The following UBE2E1 variants were observed in gnomAD, a reference collection of about 807,000 sequenced individuals.
The protein encoded by UBE2E1 is ubiquitin-conjugating enzyme E2 E1.
In UBE2E1, 6 loss-of-function variants were observed where a neutral mutation model predicts 21.4. That is an observed-to-expected ratio of 0.28 (90% CI 0.15 to 0.55). UBE2E1 has a LOEUF of 0.55. Ranked by LOEUF, UBE2E1 falls within the 20% of genes least tolerant of loss-of-function variation. UBE2E1 has a pLI of 0.93. For synonymous variants in UBE2E1, 87 were observed against 82.7 expected (o/e 1.05, Z -0.28); for missense variants, 142 against 236.5 (o/e 0.60, Z 2.62).
At chr3:23,875,227 C>CT (rs1471001908) in intron 3 of UBE2E1, among the ~76,000 whole-genome samples, 1 of 152,172 alleles carries the variant, frequency 6.6e-6, no homozygotes, top group Non-Finnish European at 1.5e-5. Context: ...CAAGATTGAG[C>CT]TTTTGTGATG....
In UBE2E1 at chr3:23,811,787, A is replaced by C. The variant is rs553913653; in HGVS notation, c.203+277A>C. Among the ~76,000 whole-genome samples the C allele has an allele frequency of 3.3e-5, 5 of 152,342 alleles. No individual in the cohort carries two copies. In the East Asian group the frequency reaches 9.6e-4, roughly 29 times the overall value. On this transcript the variant is annotated intron_variant, in intron 3 of 5. Coordinates refer to ENST00000306627, the MANE Select transcript of UBE2E1 (RefSeq NM_003341.5). ...AAATTTAAAGGTGTCTCCTTGCCTA[A>C]TCATGGGTCTTTGATATGCCATTAA...
At chr3:23,864,893 A>G (rs899099297) in intron 3 of UBE2E1, among the ~76,000 whole-genome samples, 2 of 152,246 alleles carry the variant, frequency 1.3e-5, no homozygotes, top group Non-Finnish European at 2.9e-5. Flanking sequence ...ACTGTCCTGC[A>G]TGCATAAGCT....
At chr3:23,835,753 T>A (rs1212016487) in intron 3 of UBE2E1, among the ~76,000 whole-genome samples, 1 of 152,244 alleles carries the variant, frequency 6.6e-6, no homozygotes, top group East Asian at 1.9e-4. Context: ...CATTAGAAGT[T>A]AAATCTCACG....
In UBE2E1 at chr3:23,868,598, T is replaced by A. The variant is rs142599161; in HGVS notation, c.204-18969T>A. Among the ~76,000 whole-genome samples the A allele has an allele frequency of 1.4e-3, 217 of 152,326 alleles. No individual in the cohort carries two copies. The Middle Eastern group carries it at 0.02, about 14-fold the overall frequency. Reference sequence around the variant, plus strand: ...CTGGGATTATAGCCATGAGTCACCATGCCTGGCCACTTTTACTTTCTCTTA... The same window carrying A: ...CTGGGATTATAGCCATGAGTCACCAAGCCTGGCCACTTTTACTTTCTCTTA... On this transcript the variant is annotated intron_variant, in intron 3 of 5. Transcript: ENST00000306627.
chr3:23,882,070 G>T (rs1701056844), intron 3 of UBE2E1, among the ~76,000 whole-genome samples: 1 of 152,224 alleles, frequency 6.6e-6, no homozygotes, highest in South Asian at 2.1e-4. Flanking sequence ...AGAGTGAGCA[G>T]CAGCAAGATT....
At chr3:23,890,120 G>A (rs750358236) in intron 5 of UBE2E1, among the ~76,000 whole-genome samples, 20 of 152,136 alleles carry the variant, frequency 1.3e-4, no homozygotes, top group Non-Finnish European at 2.9e-4. Context: ...TCACAATGCC[G>A]TTAACTGGTG....
chr3:23,854,609 AC>A lies in UBE2E1; in HGVS notation c.204-32957del, dbSNP rs1700397732. 5.3e-5 allele frequency among the ~76,000 whole-genome samples: 8 copies of A among 152,320 alleles called. No individual in the cohort carries two copies. The South Asian group carries it at 1.7e-3, about 32-fold the overall frequency. On this transcript the variant is annotated intron_variant, in intron 3 of 5. Coordinates refer to ENST00000306627, the MANE Select transcript of UBE2E1 (RefSeq NM_003341.5). ...TATACTTGTAACAGAAAAAGCCCTA[AC>A]TAATAAGCTATTAGTCTTCTTGAAT...
At chr3:23,821,777 G>A (rs189652903) in intron 3 of UBE2E1, among the ~76,000 whole-genome samples, 13 of 152,330 alleles carry the variant, frequency 8.5e-5, no homozygotes, top group Non-Finnish European at 1.8e-4. Flanking sequence ...TGTGTGGTGG[G>A]TGGCAGGGGA....
intron 3 of UBE2E1, among the ~76,000 whole-genome samples, chr3:23,882,898 G>T (rs1575040484): frequency 1.3e-5 from 2 of 152,052 alleles, no homozygotes; most frequent in South Asian, 2.1e-4. Context: ...CGCAGCCCCA[G>T]TTCCCACCCG....
At chr3:23,811,584 A>G (rs1699394312) in intron 3 of UBE2E1, 74 bp downstream of exon 3, 8 of 1,415,742 alleles carry the variant, frequency 5.7e-6, no homozygotes, top group African/African-American at 1.4e-5. Flanking sequence ...TTTTTATTAT[A>G]TACTTTTTCT....
chr3:23,850,681 G>GT (rs550418701), intron 3 of UBE2E1, among the ~76,000 whole-genome samples: 6,877 of 104,280 alleles, frequency 0.066, 297 homozygotes, highest in South Asian at 0.11. Context: ...ACACCTGATT[G>GT]TTTTTTTTTT....
At chr3:23,889,648 T>TGTCC in intron 5 of UBE2E1, 2 of 985,450 alleles carry the variant, frequency 2.0e-6, no homozygotes, top group South Asian at 9.4e-5. Flanking sequence ...AGTGAGCATG[T>TGTCC]GTCCCATAGC....
chr3:23,847,488 ATTTTTTTTTTTTTTTT>A (rs71057627), intron 3 of UBE2E1, among the ~76,000 whole-genome samples: 1 of 96,130 alleles, frequency 1.0e-5, no homozygotes, highest in Non-Finnish European at 2.0e-5. Flanking sequence ...TGTACTTTAA[ATTTTTTTTTTTTTTTT>A]TTTTTTTTGA....
At chr3:23,865,497 G>A (rs1054613526) in intron 3 of UBE2E1, among the ~76,000 whole-genome samples, 2 of 152,160 alleles carry the variant, frequency 1.3e-5, no homozygotes, top group Admixed American at 6.5e-5. Flanking sequence ...TGCGATGACA[G>A]GTGCATGCCA....
intron 3 of UBE2E1, among the ~76,000 whole-genome samples, chr3:23,814,308 T>G (rs1173347022): frequency 1.3e-5 from 2 of 152,234 alleles, no homozygotes; most frequent in Non-Finnish European, 2.9e-5. Flanking sequence ...TATGTTATAA[T>G]GTATGAAAAC....
chr3:23,889,299 A>G (rs751456069), intron 5 of UBE2E1, 40 bp downstream of exon 5: 2 of 1,612,324 alleles, frequency 1.2e-6, no homozygotes, highest in East Asian at 4.5e-5. Context: ...ATTCTTCCTT[A>G]CCTGAAAAAT....
intron 3 of UBE2E1, among the ~76,000 whole-genome samples, chr3:23,824,725 C>G (rs1299268870): frequency 2.0e-5 from 3 of 152,158 alleles, no homozygotes; most frequent in Non-Finnish European, 4.4e-5. Context: ...GCTGAATTTG[C>G]ATTTTCCTTT....
intron 3 of UBE2E1, among the ~76,000 whole-genome samples, chr3:23,846,479 C>T (rs1700206517): frequency 6.6e-6 from 1 of 151,996 alleles, no homozygotes; most frequent in African/African-American, 2.4e-5. Flanking sequence ...GGCAGATCAC[C>T]TGAGGTCAGG....
At chr3:23,814,988 T>C (rs1363580448) in intron 3 of UBE2E1, among the ~76,000 whole-genome samples, 3 of 152,208 alleles carry the variant, frequency 2.0e-5, no homozygotes, top group Admixed American at 6.5e-5. Context: ...ATACATTTCT[T>C]TCTTTCTCAC....
Sources: gnomAD v4.1 joint callset for allele counts (sites outside exome capture counted in the v4.1 genomes callset) on GRCh38, gnomAD v4.1.1 for gene constraint, MANE v1.5 for transcripts, NCBI Gene and HGNC (gene_info 2026-07-23, HGNC 2026-07-21) for gene names.